The following IRAG1 variants were observed in gnomAD, a reference collection of about 807,000 sequenced individuals.
The protein encoded by IRAG1 is inositol 1,4,5-triphosphate receptor associated 1.
In IRAG1, 62 loss-of-function variants were observed where a neutral mutation model predicts 106.2. That is an observed-to-expected ratio of 0.58 (90% confidence interval 0.48 to 0.72). IRAG1 has a LOEUF of 0.72. Ranked by LOEUF, IRAG1 falls within the 30% of genes least tolerant of loss-of-function variation. The pLI is 0.00. For synonymous variants in IRAG1, 462 were observed against 443.9 expected (o/e 1.04, Z -0.51); for missense variants, 1,064 against 1,140.7 (o/e 0.93, Z 0.97).
At chr11:10,639,500 A>G (rs924866017) in intron 2 of IRAG1, among the ~76,000 whole-genome samples, 18 of 152,330 alleles carry the variant, frequency 1.2e-4, no homozygotes, top group African/African-American at 4.1e-4. Flanking sequence ...TTCAACAGAA[A>G]GAAAACCAGC....
chr11:10,678,011 G>GTCTATCTATCTATCTATCTATCTA (rs10606111), intron 1 of IRAG1, among the ~76,000 whole-genome samples: 1 of 142,056 alleles, frequency 7.0e-6, no homozygotes, highest in African/African-American at 2.5e-5. Context: ...CTCTCTATCT[G>GTCTATCTATCTATCTATCTATCTA]TCTATCTATC....
At position 10,578,769 on chromosome 11, in the gene IRAG1, T is replaced by C. The variant is rs141101219; in HGVS notation, c.2495+1686A>G. ...TCATGAAATGGGAGGGAGCTGACAATTGCCTGAGATTGAATTAGCTAGATA... is the reference window on the plus strand; with the variant it reads ...TCATGAAATGGGAGGGAGCTGACAACTGCCTGAGATTGAATTAGCTAGATA... On this transcript the variant is annotated intron_variant, in intron 20 of 20. Coordinates refer to ENST00000423302, the MANE Select transcript of IRAG1 (RefSeq NM_130385.4). 1.7e-4 allele frequency among the ~76,000 whole-genome samples: 26 copies of C among 152,318 alleles called. No individual in the cohort carries two copies. The East Asian group carries it at 4.6e-3, about 27-fold the overall frequency.
In IRAG1 at chr11:10,647,355, G is replaced by A. The variant is rs183483502; in HGVS notation, c.225+4670C>T. Among the ~76,000 whole-genome samples the A allele has an allele frequency of 6.6e-5, 10 of 152,202 alleles. No homozygotes were observed. The highest frequency in any genetic ancestry group is 1.0e-4 in the Non-Finnish European group (7 of 68,042). ...TGAAATGGGAATGATAATACCTACC[G>A]TAAGGCTAATTATATGTTAAATGAG... On this transcript the variant is annotated intron_variant, in intron 2 of 20. Coordinates refer to ENST00000423302, the MANE Select transcript of IRAG1 (RefSeq NM_130385.4). The surrounding 1 kb of genome is among the most constrained non-coding windows in gnomAD (Gnocchi z 4.3).
intron 10 of IRAG1, among the ~76,000 whole-genome samples, chr11:10,615,296 G>A (rs1051664296): frequency 1.3e-5 from 2 of 152,176 alleles, no homozygotes; most frequent in Non-Finnish European, 1.5e-5. Flanking sequence ...GTGCTGGAGA[G>A]GATATGGAGA....
intron 15 of IRAG1, among the ~76,000 whole-genome samples, chr11:10,594,873 A>T (rs544629233): frequency 4.6e-5 from 7 of 152,060 alleles, no homozygotes; most frequent in Non-Finnish European, 1.0e-4. Context: ...TCATATCCAT[A>T]TATTTTTGGT....
rs138130210 is a variant in IRAG1 at position 10,590,464 on chromosome 11, G to A, written c.2240+1084C>T. Among the ~76,000 whole-genome samples, 202 of 152,312 alleles carry A rather than the reference G, an allele frequency of 1.3e-3. 3 individuals carry two copies. In the South Asian group the frequency reaches 0.018, roughly 13 times the overall value. On this transcript the variant is annotated intron_variant, in intron 18 of 20. Transcript: ENST00000423302. ...TGAGTCTGGAGATGGGAGCTTGTCT[G>A]TACTGAAAAGGGTCCCAACATACAG...
chr11:10,610,180 G>C (rs557230710), intron 10 of IRAG1, among the ~76,000 whole-genome samples: 1 of 152,306 alleles, frequency 6.6e-6, no homozygotes, highest in East Asian at 1.9e-4. Context: ...AAGCTGGTTG[G>C]CTCTTTGGCT....
chr11:10,579,578 T>C (rs1185710410), intron 20 of IRAG1, among the ~76,000 whole-genome samples: 1 of 150,908 alleles, frequency 6.6e-6, no homozygotes, highest in Non-Finnish European at 1.5e-5. Flanking sequence ...GTCCTGAAAA[T>C]CCAGAATGTT....
chr11:10,644,059 T>C (rs1857751259), intron 2 of IRAG1, among the ~76,000 whole-genome samples: 1 of 152,268 alleles, frequency 6.6e-6, no homozygotes, highest in African/African-American at 2.4e-5. Flanking sequence ...CTGGTGGAAC[T>C]GTCCTCTTGA....
At chr11:10,685,245 G>A (rs780684438) in intron 1 of IRAG1, among the ~76,000 whole-genome samples, 35 of 152,076 alleles carry the variant, frequency 2.3e-4, no homozygotes, top group Admixed American at 5.9e-4. Flanking sequence ...TTAGGAGTTC[G>A]AGACCAGAAT....
At chr11:10,611,307 C>T (rs1314799374) in intron 10 of IRAG1, among the ~76,000 whole-genome samples, 1 of 152,164 alleles carries the variant, frequency 6.6e-6, no homozygotes, top group African/African-American at 2.4e-5. Flanking sequence ...AGCTCTCTGA[C>T]AAGGTTTCTG....
At chr11:10,637,907 T>C (rs1857256731) in intron 2 of IRAG1, among the ~76,000 whole-genome samples, 1 of 152,148 alleles carries the variant, frequency 6.6e-6, no homozygotes, top group African/African-American at 2.4e-5. Context: ...CCAAGCTAAA[T>C]GGGAGAGCCA....
intron 1 of IRAG1, among the ~76,000 whole-genome samples, chr11:10,655,282 C>A (rs1484745929): frequency 1.3e-5 from 2 of 152,116 alleles, no homozygotes; most frequent in African/African-American, 4.8e-5. Flanking sequence ...AGGATTTAGA[C>A]AAATTGGGAC....
intron 10 of IRAG1, 34 bp from the exon 11 acceptor site, chr11:10,609,885 T>C (rs769675247): frequency 5.0e-6 from 8 of 1,610,582 alleles, no homozygotes; most frequent in Non-Finnish European, 6.8e-6. Context: ...AAAATGTCTC[T>C]TTGAAATCAC....
In IRAG1 at chr11:10,626,578, G is replaced by T; in HGVS notation, c.756C>A (p.Val252=). Residue 252 remains valine, a synonymous_variant, in exon 9 of 21, where the codon GTC becomes GTA. Transcript: ENST00000423302. The stretch of plus-strand genomic sequence containing the variant: ...GCTTCCTGTCAGCTAGCCCTTTGGG[G>T]ACGTTCTGAAAAAGACAAGGTAGAG... ...VSSPHPGEPN[V]PKGLADRKQN... is the part of the protein sequence containing the mutation. 1 of 1,599,182 alleles carries T rather than the reference G, an allele frequency of 6.3e-7. No homozygotes were observed. Among genetic ancestry groups the T allele is most frequent in the South Asian group, 1.1e-5 (1 of 89,422 alleles).
intron 2 of IRAG1, among the ~76,000 whole-genome samples, chr11:10,650,682 G>T (rs1008145271): frequency 1.3e-5 from 2 of 152,150 alleles, no homozygotes; most frequent in Non-Finnish European, 2.9e-5. Flanking sequence ...TTGGAACTTG[G>T]CACCCTCAGC....
chr11:10,684,426 G>T (rs1397327807), intron 1 of IRAG1, among the ~76,000 whole-genome samples: 1 of 151,864 alleles, frequency 6.6e-6, no homozygotes, highest in African/African-American at 2.4e-5. Flanking sequence ...ATGGACACAG[G>T]AAGGGGAACA....
At position 10,576,386 on chromosome 11, in the gene IRAG1, C is replaced by A; in HGVS notation, c.2685G>T (p.Gln895His). Residue 895 changes from glutamine to histidine, a missense_variant, in exon 21 of 21, where the codon CAG (glutamine) becomes CAT (histidine). By Grantham distance (24) the Gln-to-His change is conservative. Transcript: ENST00000423302. ...GTCCTGAGCTCCACCAGGAGTCCCT[C>A]TGGGCTGCCGAGCAAGTGGATCTTC... Reference protein sequence around the residue: ...PLGRSTCSAAQRDSWWSSGLQ... With the variant: ...PLGRSTCSAAHRDSWWSSGLQ... The A allele has an allele frequency of 6.2e-7, 1 of 1,613,990 alleles. No homozygotes were observed. Among genetic ancestry groups the A allele is most frequent in the Non-Finnish European group, 8.5e-7 (1 of 1,179,882 alleles).
intron 1 of IRAG1, among the ~76,000 whole-genome samples, chr11:10,653,206 G>A (rs1383636685): frequency 2.0e-5 from 3 of 152,184 alleles, no homozygotes; most frequent in Non-Finnish European, 4.4e-5. Flanking sequence ...CTTCCATGAG[G>A]AAAGCCAGAC....
Sources: allele counts gnomAD v4.1 joint callset (sites outside exome capture counted in the v4.1 genomes callset), GRCh38; gene constraint gnomAD v4.1.1; non-coding constraint Gnocchi (gnomAD v3.1); transcripts MANE v1.5; gene names NCBI Gene and HGNC (gene_info 2026-07-23, HGNC 2026-07-21).